TRPC5: variants seen among roughly 807,000 people sequenced by gnomAD.
TRPC5 encodes the protein transient receptor potential cation channel subfamily C member 5, also known as short transient receptor potential channel 5.
In TRPC5, 9 loss-of-function variants were observed where a neutral mutation model predicts 56.5. The ratio of observed to expected loss-of-function variants is 0.16; its 90% CI spans 0.10 to 0.28. TRPC5 has a LOEUF of 0.28. Ranked by LOEUF, TRPC5 falls within the 10% of genes least tolerant of loss-of-function variation. The probability of loss-of-function intolerance (pLI) is 1.00; values close to 1 mark genes in which losing one functional copy is unlikely to be tolerated. For synonymous variants in TRPC5, 282 were observed against 278.5 expected (o/e 1.01, Z -0.13); for missense variants, 469 against 748.9 (o/e 0.63, Z 4.36).
intron 2 of TRPC5, among the ~76,000 whole-genome samples, chrX:111,929,235 C>G (rs973644115): frequency 1.8e-5 from 2 of 112,124 alleles, no homozygotes; most frequent in Non-Finnish European, 3.8e-5. Context: ...TCCCAGCCAA[C>G]TCTTCCTCAT....
chrX:112,062,619 T>C (rs758938135), intron 1 of TRPC5, among the ~76,000 whole-genome samples: 2 of 112,237 alleles, frequency 1.8e-5, no homozygotes, highest in South Asian at 3.7e-4. Flanking sequence ...AATACTGGTA[T>C]AGGTAAATGC....
chrX:111,769,166 A>G lies in TRPC5; in HGVS notation c.*7147T>C, dbSNP rs1445017203. On this transcript the variant is annotated 3_prime_UTR_variant, in exon 11 of 11. Coordinates refer to ENST00000262839, the MANE Select transcript of TRPC5 (RefSeq NM_012471.3). ...CTCCCCTCTGTTCTCTATGGAGGTT[A>G]GTGGTTTTTCTTTACTGTCCCTCTC... 3.6e-5 allele frequency among the ~76,000 whole-genome samples: 4 copies of G among 111,243 alleles called. No homozygotes were observed. The highest frequency in any genetic ancestry group is 7.6e-5 in the Non-Finnish European group (4 of 52,964).
At chrX:111,944,636 A>G (rs1006327245) in intron 2 of TRPC5, among the ~76,000 whole-genome samples, 5 of 111,272 alleles carry the variant, frequency 4.5e-5, no homozygotes, top group African/African-American at 1.6e-4. Context: ...GGTGGGCACT[A>G]AATCAAATGA....
At chrX:111,938,201 C>G (rs1370117569) in intron 2 of TRPC5, among the ~76,000 whole-genome samples, 1 of 93,711 alleles carries the variant, frequency 1.1e-5, no homozygotes, top group African/African-American at 4.2e-5. Flanking sequence ...GATTTTGTAT[C>G]CCGAGACTTT....
chrX:111,867,291 A>G (rs1374620261), intron 3 of TRPC5, among the ~76,000 whole-genome samples: 2 of 112,137 alleles, frequency 1.8e-5, no homozygotes, highest in Non-Finnish European at 3.8e-5. Flanking sequence ...AAGGACAGTC[A>G]TTCAATCTGG....
At chrX:111,815,393 C>A (rs1921828426) in intron 7 of TRPC5, among the ~76,000 whole-genome samples, 1 of 110,838 alleles carries the variant, frequency 9.0e-6, no homozygotes, top group African/African-American at 3.3e-5. Flanking sequence ...TGGTCGCTGA[C>A]CATTTTCAGA....
rs185302470 is a variant in TRPC5 at position 111,786,511 on chromosome X, C to T, written c.1897-4373G>A. ...GCTATGAAGAAACTGCATCAATTAACGGGCAAAATAACCAGTGAACATCAT... is the reference window on the plus strand; with the variant it reads ...GCTATGAAGAAACTGCATCAATTAATGGGCAAAATAACCAGTGAACATCAT... On this transcript the variant is annotated intron_variant, in intron 7 of 10. Coordinates refer to ENST00000262839, the MANE Select transcript of TRPC5 (RefSeq NM_012471.3). Among the ~76,000 whole-genome samples the T allele has an allele frequency of 5.4e-5, 6 of 111,242 alleles. No homozygotes were observed. The East Asian group carries it at 1.4e-3, about 26-fold the overall frequency.
At chrX:112,047,487 G>A (rs1379117413) in intron 1 of TRPC5, among the ~76,000 whole-genome samples, 1 of 111,535 alleles carries the variant, frequency 9.0e-6, no homozygotes, top group Admixed American at 9.5e-5. Context: ...AACAGCCATT[G>A]CCCTAGCTTT....
intron 3 of TRPC5, among the ~76,000 whole-genome samples, chrX:111,865,152 A>G (rs1171581688): frequency 9.2e-6 from 1 of 109,077 alleles, no homozygotes; most frequent in Non-Finnish European, 1.9e-5. Context: ...AGTAGCTGGG[A>G]TTACAGGTGC....
In TRPC5 at chrX:112,074,964, CT is replaced by C. The variant is rs771741061; in HGVS notation, c.-22+6914del. Among the ~76,000 whole-genome samples, 680 of 112,606 alleles carry C rather than the reference CT, an allele frequency of 6.0e-3. 4 individuals carry two copies. The highest frequency in any genetic ancestry group is 0.02 in the African/African-American group (635 of 30,992). On this transcript the variant is annotated intron_variant, in intron 1 of 10. Coordinates refer to ENST00000262839, the MANE Select transcript of TRPC5 (RefSeq NM_012471.3). ...GCCCCGTAACAAATGTGAAAATCCT[CT>C]CTTTTGCAACATCAAACATCCTGCG...
Position 112,082,698 on chromosome X carries a change from C to T in TRPC5, c.-841G>A, listed in dbSNP as rs904110617. 1.8e-5 allele frequency: 2 copies of T among 109,785 alleles called. No homozygotes were observed. The highest frequency in any genetic ancestry group is 3.8e-5 in the Non-Finnish European group (2 of 52,886). 9.0% of individuals were successfully genotyped at this position (109,785 alleles called of 1,213,427 possible). On this transcript the variant is annotated 5_prime_UTR_variant, in exon 1 of 11. Coordinates refer to ENST00000262839, the MANE Select transcript of TRPC5 (RefSeq NM_012471.3). ...TTTCCCTTCTTTCTGCGCCCGGCTT[C>T]CCTCTGCTCCTGTTCTTTATTCCTC...
intron 7 of TRPC5, among the ~76,000 whole-genome samples, chrX:111,797,286 G>A (rs1921130712): frequency 8.9e-6 from 1 of 112,012 alleles, no homozygotes; most frequent in Non-Finnish European, 1.9e-5. Context: ...GTGAAATATT[G>A]AAAGTTTTGC....
At chrX:112,075,953 T>A (rs1454968306) in intron 1 of TRPC5, among the ~76,000 whole-genome samples, 2 of 112,226 alleles carry the variant, frequency 1.8e-5, no homozygotes, top group East Asian at 2.8e-4. Flanking sequence ...ACCTTGATTT[T>A]AGCACAGTGA....
intron 1 of TRPC5, among the ~76,000 whole-genome samples, chrX:111,972,605 T>C (rs1927815162): frequency 8.9e-6 from 1 of 112,424 alleles, no homozygotes; most frequent in African/African-American, 3.2e-5. Context: ...CTAACAGCTT[T>C]GTACAGGAAT....
chrX:112,042,682 T>C (rs1448204831), intron 1 of TRPC5, among the ~76,000 whole-genome samples: 1 of 111,656 alleles, frequency 9.0e-6, no homozygotes, highest in Admixed American at 9.5e-5. Flanking sequence ...TCCTAACTAC[T>C]ACTCTGGCTT....
intron 2 of TRPC5, among the ~76,000 whole-genome samples, chrX:111,931,338 A>G (rs190901693): frequency 1.2e-3 from 131 of 112,414 alleles, no homozygotes; most frequent in African/African-American, 4.1e-3. Flanking sequence ...CATTATTTTT[A>G]CAACTTCAAG....
chrX:111,871,999 G>A (rs1049850187), intron 3 of TRPC5, among the ~76,000 whole-genome samples: 4 of 111,857 alleles, frequency 3.6e-5, no homozygotes, highest in Admixed American at 1.9e-4. Context: ...AGGCCAGGAT[G>A]CCCCTCAGGC....
chrX:112,034,316 GT>G (rs796144559), intron 1 of TRPC5, among the ~76,000 whole-genome samples: 4,640 of 86,498 alleles, frequency 0.054, 91 homozygotes, highest in Middle Eastern at 0.079. Context: ...ATCATTTTTT[GT>G]TTTTTTTTTT....
At chrX:111,876,964 T>G (rs1162327394) in intron 3 of TRPC5, among the ~76,000 whole-genome samples, 1 of 111,838 alleles carries the variant, frequency 8.9e-6, no homozygotes, top group African/African-American at 3.2e-5. Context: ...GAGCCTGAGT[T>G]TAATGCTGTT....
Sources: gnomAD v4.1 joint callset for allele counts (sites outside exome capture counted in the v4.1 genomes callset) on GRCh38, gnomAD v4.1.1 for gene constraint, MANE v1.5 for transcripts, NCBI Gene and HGNC (gene_info 2026-07-23, HGNC 2026-07-21) for gene names.